Variants in DPP8 observed in about 807,000 individuals in gnomAD.
DPP8 encodes the protein dipeptidyl peptidase 8.
Under a neutral mutation model 107.5 loss-of-function variants are expected in DPP8, and 31 were observed. The ratio of observed to expected loss-of-function variants is 0.29; its 90% CI spans 0.22 to 0.39. The LOEUF is 0.39. Ranked by LOEUF, DPP8 falls within the 10% of genes least tolerant of loss-of-function variation. DPP8 has a pLI of 1.00. For synonymous variants in DPP8, 381 were observed against 356.6 expected (o/e 1.07, Z -0.77); for missense variants, 842 against 1,076.1 (o/e 0.78, Z 3.04).
chr15:65,486,207 G>A (rs1057309739), intron 7 of DPP8, among the ~76,000 whole-genome samples: 3 of 150,998 alleles, frequency 2.0e-5, no homozygotes, highest in Admixed American at 1.3e-4. Context: ...TTCGAGACCA[G>A]CCTGGCCAAC....
chr15:65,468,603 C>T (rs1385517231), intron 12 of DPP8, among the ~76,000 whole-genome samples: 1 of 152,086 alleles, frequency 6.6e-6, no homozygotes, highest in Non-Finnish European at 1.5e-5. Flanking sequence ...GCTGCCTCTT[C>T]ATCACTAAAC....
intron 12 of DPP8, among the ~76,000 whole-genome samples, chr15:65,468,478 A>G (rs2065554368): frequency 6.8e-6 from 1 of 147,538 alleles, no homozygotes; most frequent in African/African-American, 2.6e-5. Context: ...TGGGCAACAG[A>G]GCAAGACCCT....
In DPP8 at chr15:65,512,134, G is replaced by T. The variant is rs1367518354; in HGVS notation, c.259+161C>A. The stretch of plus-strand genomic sequence containing the variant: ...CTACAAGTAAAAATAAAGTTAATGC[G>T]ATACAACAAAATCGAATTCTTCAAA... On this transcript the variant is annotated intron_variant, in intron 2 of 19. Coordinates refer to ENST00000300141, the MANE Select transcript of DPP8 (RefSeq NM_130434.5). 3.9e-6 allele frequency: 3 copies of T among 764,494 alleles called. No homozygotes were observed. In the African/African-American group the frequency reaches 5.2e-5, roughly 13 times the overall value. The allele number at this position is 764,494 out of a possible 1,614,324, so 47.4% of individuals were successfully genotyped here. A position where few individuals can be genotyped will look rare whatever the true frequency, so the allele number is the denominator to read the frequency against.
intron 1 of DPP8, chr15:65,515,924 C>A: frequency 2.0e-6 from 1 of 501,542 alleles, no homozygotes; most frequent in Non-Finnish European, 3.5e-6. Context: ...ATATATAATG[C>A]CTACATTATT....
intron 16 of DPP8, among the ~76,000 whole-genome samples, 180 bp from the exon 17 acceptor site, chr15:65,454,595 C>T (rs986325792): frequency 1.2e-4 from 19 of 152,318 alleles, no homozygotes; most frequent in African/African-American, 3.1e-4. Flanking sequence ...GACGCAGTCT[C>T]GGCTCACTGC....
At chr15:65,471,637 C>T (rs2065907348) in intron 12 of DPP8, among the ~76,000 whole-genome samples, 1 of 151,972 alleles carries the variant, frequency 6.6e-6, no homozygotes, top group Admixed American at 6.6e-5. Flanking sequence ...CAGGTATGCC[C>T]CACCACACCT....
intron 3 of DPP8, among the ~76,000 whole-genome samples, chr15:65,505,532 T>G (rs1335623434): frequency 2.0e-5 from 3 of 152,204 alleles, no homozygotes; most frequent in Admixed American, 2.0e-4. Context: ...TTTGCCAATT[T>G]TTCTGAGAAA....
chr15:65,467,050 C>T, intron 13 of DPP8, 21 bp downstream of exon 13: 1 of 1,613,026 alleles, frequency 6.2e-7, no homozygotes, highest in Non-Finnish European at 8.5e-7. Flanking sequence ...ACACAAAACC[C>T]TTTTTAAACA....
intron 5 of DPP8, among the ~76,000 whole-genome samples, chr15:65,492,230 T>A (rs1340690326): frequency 6.6e-6 from 1 of 151,926 alleles, no homozygotes; most frequent in Non-Finnish European, 1.5e-5. Flanking sequence ...TGGTCCCAGT[T>A]ACTCGGGAGG....
rs11320643 is a variant in DPP8 at position 65,502,304 on chromosome 15, GAA to G, written c.373-1527_373-1526del. On this transcript the variant is annotated intron_variant, in intron 3 of 19. Transcript: ENST00000300141. ...ACTTTTTCAGGATATTTGCTAAATG[GAA>G]AAAAAAAAAAAACTTCAGAGCAGAA... is the stretch of plus-strand genomic sequence containing the variant. Among the ~76,000 whole-genome samples the G allele has an allele frequency of 5.1e-4, 75 of 147,238 alleles. No individual in the cohort carries two copies. In the Middle Eastern group the frequency reaches 0.01, roughly 21 times the overall value.
At chr15:65,467,521 A>G (rs2065469864) in intron 12 of DPP8, among the ~76,000 whole-genome samples, 1 of 152,152 alleles carries the variant, frequency 6.6e-6, no homozygotes, top group Non-Finnish European at 1.5e-5. Context: ...AGCTACAAGC[A>G]TACACCACCA....
In DPP8 at chr15:65,500,785, G is replaced by A; in HGVS notation, c.373-6C>T. ...ATTCCATAGTCCAGTGTTGCCTAAT[G>A]TGAAAGGAAAGTCACCTATTCCAGT... On this transcript the variant is annotated splice_polypyrimidine_tract_variant and splice_region_variant and intron_variant, in intron 3 of 19. Transcript: ENST00000300141. 2 of 1,593,708 alleles carry A rather than the reference G, an allele frequency of 1.3e-6. No homozygotes were observed. The highest frequency in any genetic ancestry group is 8.6e-7 in the Non-Finnish European group (1 of 1,167,502).
chr15:65,513,081 C>T (rs932382587), intron 1 of DPP8, among the ~76,000 whole-genome samples: 5 of 152,194 alleles, frequency 3.3e-5, no homozygotes, highest in African/African-American at 7.2e-5. Context: ...TAATAACCTT[C>T]CTAGGGTACT....
rs975734897 is a variant in DPP8, at chr15:65,464,260, G to A, written c.1826-354C>T. On this transcript the variant is annotated intron_variant, in intron 14 of 19. Transcript: ENST00000300141. The stretch of plus-strand genomic sequence containing the variant: ...CGCCTGTAGCCCCAGCTACTCGGGA[G>A]GCTGAGGCAGGAGAAGGGTGTGAAC... Among the ~76,000 whole-genome samples, 9 of 152,200 alleles carry A rather than the reference G, an allele frequency of 5.9e-5. No individual in the cohort carries two copies. In the East Asian group the frequency reaches 1.7e-3, roughly 29 times the overall value.
chr15:65,499,239 T>C lies in DPP8; in HGVS notation c.547-1207A>G, dbSNP rs574239365. 1.5e-3 allele frequency among the ~76,000 whole-genome samples: 226 copies of C among 152,044 alleles called. 1 individual carries two copies. The highest frequency in any genetic ancestry group is 5.2e-3 in the African/African-American group (214 of 41,476). Reference sequence around the variant, plus strand: ...GATGCCCGTTACCTTTCCTTTTTTTTTTTCTCTCTCTCTTAGTCTCACTCT... The same window carrying C: ...GATGCCCGTTACCTTTCCTTTTTTTCTTTCTCTCTCTCTTAGTCTCACTCT... On this transcript the variant is annotated intron_variant, in intron 4 of 19. Transcript: ENST00000300141.
At chr15:65,464,295 G>A (rs2065160804) in intron 14 of DPP8, among the ~76,000 whole-genome samples, 1 of 151,964 alleles carries the variant, frequency 6.6e-6, no homozygotes. Context: ...CCCGGGAGGT[G>A]GAGCTTGCAG....
intron 19 of DPP8, among the ~76,000 whole-genome samples, chr15:65,450,122 C>A (rs937412866): frequency 5.8e-5 from 6 of 102,812 alleles, no homozygotes; most frequent in Non-Finnish European, 1.0e-4. Flanking sequence ...CATGAGCCAC[C>A]ATGCCTGACT....
Position 65,453,216 on chromosome 15 carries a change from T to G in DPP8, c.2271+1047A>C, listed in dbSNP as rs192088453. ...GCCTACTATATGCCCAGCATTGTGC[T>G]TGACTGCTGAAGATACAATGGTGTA... On this transcript the variant is annotated intron_variant, in intron 17 of 19. Transcript: ENST00000300141. Among the ~76,000 whole-genome samples the G allele has an allele frequency of 2.5e-3, 379 of 152,338 alleles. 4 individuals are homozygous for G. The highest frequency in any genetic ancestry group is 3.4e-3 in the Middle Eastern group (1 of 294).
chr15:65,498,318 A>G (rs891950976), intron 4 of DPP8, among the ~76,000 whole-genome samples: 4 of 152,038 alleles, frequency 2.6e-5, no homozygotes, highest in Admixed American at 1.3e-4. Flanking sequence ...ACTACTTGGG[A>G]GGCTGAGGCA....
Sources: gnomAD v4.1 joint callset for allele counts (sites outside exome capture counted in the v4.1 genomes callset) on GRCh38, gnomAD v4.1.1 for gene constraint, MANE v1.5 for transcripts, NCBI Gene and HGNC (gene_info 2026-07-23, HGNC 2026-07-21) for gene names.